The following TBC1D1 variants were observed in gnomAD, a reference collection of about 807,000 sequenced individuals.
TBC1D1 encodes TBC1 (tre-2/USP6, BUB2, cdc16) domain family, member 1.
TBC1D1 carries 89 observed loss-of-function variants against 125.6 expected under a neutral mutation model. That is an observed-to-expected ratio of 0.71 (90% CI 0.60 to 0.85). The LOEUF (loss-of-function observed/expected upper bound fraction) is 0.85, where lower values mean the gene tolerates loss of function less well. Ranked by LOEUF, TBC1D1 falls within the 40% of genes least tolerant of loss-of-function variation. TBC1D1 has a pLI of 0.00. For missense variants in TBC1D1, 1,377 were observed against 1,469.2 expected, an observed-to-expected ratio of 0.94 and a Z score of 1.03; for synonymous variants, 565 against 564.1, an observed-to-expected ratio of 1.00 and a Z score of -0.02.
At chr4:38,087,093 C>T (rs1757614363) in intron 12 of TBC1D1, among the ~76,000 whole-genome samples, 1 of 152,140 alleles carries the variant, frequency 6.6e-6, no homozygotes, top group African/African-American at 2.4e-5. Flanking sequence ...ATCAAACAAG[C>T]TTATTTATGC....
intron 11 of TBC1D1, among the ~76,000 whole-genome samples, chr4:38,052,722 GCGCGCGCACA>G (rs1750916042): frequency 3.4e-5 from 2 of 59,414 alleles, no homozygotes; most frequent in African/African-American, 1.3e-4. Context: ...ACGCGCGCGC[GCGCGCGCACA>G]CACACACACA....
chr4:37,896,965 G>A (rs911211943), intron 1 of TBC1D1, among the ~76,000 whole-genome samples: 2 of 152,106 alleles, frequency 1.3e-5, no homozygotes, highest in Non-Finnish European at 2.9e-5. Context: ...CTAGGTGGGA[G>A]TTGTGCAGAA....
Position 38,054,308 on chromosome 4 carries a change from A to G in TBC1D1, c.2020A>G (p.Lys674Glu). ...ATTCCTCCGAGTAGCCACCCCGCAG[A>G]AGGCGTGCGATTCTTCCAGCAGATA... The change falls in exon 12 of 20, where the codon AAG (lysine) becomes GAG (glutamate). Residue 674 changes from lysine (K) to glutamate (E), a missense_variant. By Grantham distance (56) the Lys-to-Glu change is moderately conservative. Around this residue, in one of 3 missense-constraint regions of TBC1D1, gnomAD observed 543 missense variants for 613.5 expected, o/e 0.89. Transcript: ENST00000261439. The G allele has an allele frequency of 6.2e-7, 1 of 1,614,184 alleles. No individual in the cohort carries two copies. The highest frequency in any genetic ancestry group is 1.1e-5 in the South Asian group (1 of 91,082).
At chr4:37,926,092 A>G (rs1722051125) in intron 2 of TBC1D1, among the ~76,000 whole-genome samples, 1 of 152,234 alleles carries the variant, frequency 6.6e-6, no homozygotes, top group South Asian at 2.1e-4. Context: ...ATCTGTGTGC[A>G]TTAACTTTAA....
chr4:38,045,683 C>A, intron 9 of TBC1D1, 134 bp from the exon 10 acceptor site: 1 of 632,952 alleles, frequency 1.6e-6, no homozygotes. Flanking sequence ...TTTTAATGTA[C>A]AAATATCCTT....
intron 2 of TBC1D1, among the ~76,000 whole-genome samples, chr4:37,950,348 C>T (rs1188091147): frequency 6.6e-6 from 1 of 151,788 alleles, no homozygotes; most frequent in Non-Finnish European, 1.5e-5. Context: ...CAGAAGCATG[C>T]CTGATAATAG....
At chr4:38,093,013 T>C (rs971810533) in intron 13 of TBC1D1, among the ~76,000 whole-genome samples, 2 of 152,142 alleles carry the variant, frequency 1.3e-5, no homozygotes, top group Non-Finnish European at 2.9e-5. Context: ...TCCACACAGA[T>C]AATGGCCCCG....
At chr4:38,042,131 G>A (rs1263707755) in intron 8 of TBC1D1, among the ~76,000 whole-genome samples, 11 of 151,952 alleles carry the variant, frequency 7.2e-5, no homozygotes, top group African/African-American at 1.7e-4. Context: ...AGCCAAGATC[G>A]TACCACTGCA....
chr4:38,024,078 T>A (rs1744609644), intron 6 of TBC1D1, among the ~76,000 whole-genome samples: 1 of 152,238 alleles, frequency 6.6e-6, no homozygotes, highest in Non-Finnish European at 1.5e-5. Context: ...AATTAACAAT[T>A]GACATCTTAA....
chr4:38,013,529 A>G lies in TBC1D1; in HGVS notation c.418-980A>G, dbSNP rs188316760. ...CATAACAAAAAGTAGGCCCTTTTGAAGATTAAATTTATGCCTGCCTTGGCC... is the reference window on the plus strand; with the variant it reads ...CATAACAAAAAGTAGGCCCTTTTGAGGATTAAATTTATGCCTGCCTTGGCC... On this transcript the variant is annotated intron_variant, in intron 2 of 19. Transcript: ENST00000261439. 3.4e-4 allele frequency among the ~76,000 whole-genome samples: 52 copies of G among 152,322 alleles called. 1 individual carries two copies. The East Asian group carries it at 9.8e-3, about 29-fold the overall frequency.
rs764528428 is a variant in TBC1D1 at position 38,014,518 on chromosome 4, A to G, written c.427A>G (p.Ile143Val). The G allele has an allele frequency of 2.5e-6, 4 of 1,612,004 alleles. No individual in the cohort carries two copies. In the South Asian group the frequency reaches 4.4e-5, roughly 18 times the overall value. Residue 143 changes from isoleucine (I) to valine (V), a missense_variant, in exon 3 of 20, where the codon ATC becomes GTC. This residue lies in a region of TBC1D1 where 822 missense variants were observed against 824.6 expected (regional missense o/e 1.00). Transcript: ENST00000261439. The surrounding 1 kb of genome is among the most constrained non-coding windows in gnomAD (Gnocchi z 5.1). ...CTCTCTCTCTCCTCAGGTGCCTGAG[A>G]TCATCAGCTCCATCCGTCAGGCGGG...
At chr4:37,935,200 T>G (rs1161240663) in intron 2 of TBC1D1, among the ~76,000 whole-genome samples, 1 of 152,196 alleles carries the variant, frequency 6.6e-6, no homozygotes, top group African/African-American at 2.4e-5. Flanking sequence ...ATGATTGCAC[T>G]TGCTCCAGGG....
intron 12 of TBC1D1, among the ~76,000 whole-genome samples, chr4:38,063,870 C>G (rs1287339534): frequency 4.6e-5 from 7 of 152,156 alleles, no homozygotes. Flanking sequence ...CTCAAGTGAT[C>G]CTTCTGCCTC....
intron 10 of TBC1D1, among the ~76,000 whole-genome samples, chr4:38,046,382 A>G (rs1749480912): frequency 1.3e-5 from 2 of 151,238 alleles, no homozygotes. Flanking sequence ...AAAAAAAAAA[A>G]GCAGTAGATT....
intron 17 of TBC1D1, among the ~76,000 whole-genome samples, chr4:38,120,832 G>C (rs1763723877): frequency 6.6e-6 from 1 of 152,006 alleles, no homozygotes; most frequent in African/African-American, 2.4e-5. Flanking sequence ...TCTACCTTTG[G>C]GGGAAGAAAA....
intron 2 of TBC1D1, among the ~76,000 whole-genome samples, chr4:37,907,842 T>G (rs989937650): frequency 1.3e-5 from 2 of 152,220 alleles, no homozygotes; most frequent in Non-Finnish European, 2.9e-5. Context: ...GCCTTGTCTC[T>G]TCTACAAAAT....
At chr4:37,900,367 A>G (rs1715665916) in intron 1 of TBC1D1, among the ~76,000 whole-genome samples, 1 of 151,898 alleles carries the variant, frequency 6.6e-6, no homozygotes, top group South Asian at 2.1e-4. Context: ...AGGAAGAGAA[A>G]GAGCCATGGC....
intron 19 of TBC1D1, among the ~76,000 whole-genome samples, chr4:38,134,686 T>A (rs1766180230): frequency 6.6e-6 from 1 of 152,274 alleles, no homozygotes; most frequent in South Asian, 2.1e-4. Flanking sequence ...GTAAATGACC[T>A]TGTAGTTTTT....
rs1249219835 is a variant in TBC1D1, at chr4:38,137,308, C to T, written c.3480C>T (p.Cys1160=). ...AGCCCAGCGACCGGGAGCCTGAGTG[C>T]ACGCAGCCCGAGCCCACGGGCGACT... The change falls in exon 20 of 20, where the codon TGC becomes TGT. Residue 1160 remains cysteine (C), a synonymous_variant. Transcript: ENST00000261439. 6.2e-7 allele frequency: 1 copy of T among 1,611,178 alleles called. No individual in the cohort carries two copies. The highest frequency in any genetic ancestry group is 8.5e-7 in the Non-Finnish European group (1 of 1,179,666).
Sources: allele counts gnomAD v4.1 joint callset (sites outside exome capture counted in the v4.1 genomes callset), GRCh38; gene constraint gnomAD v4.1.1; regional missense constraint gnomAD v4.1.1; non-coding constraint Gnocchi (gnomAD v3.1); transcripts MANE v1.5; gene names NCBI Gene and HGNC (gene_info 2026-07-23, HGNC 2026-07-21).